Variants in CEP112 observed in about 807,000 individuals in gnomAD.
CEP112 encodes the protein centrosomal protein of 112 kDa.
In CEP112, 127 loss-of-function variants were observed where a neutral mutation model predicts 153.0. The observed-to-expected ratio is 0.83, with a 90% CI of 0.72 to 0.96. The LOEUF (loss-of-function observed/expected upper bound fraction) is 0.96. CEP112 is among the 40% of genes least tolerant of loss of function. CEP112 has a pLI of 0.00. For synonymous variants in CEP112, 358 were observed against 374.4 expected (o/e 0.96, Z 0.51); for missense variants, 1,089 against 1,101.2 (o/e 0.99, Z 0.16).
intron 23 of CEP112, among the ~76,000 whole-genome samples, chr17:65,692,487 A>G (rs1055084729): frequency 6.6e-6 from 1 of 152,126 alleles, no homozygotes; most frequent in Non-Finnish European, 1.5e-5. Flanking sequence ...TCAGCCTCCC[A>G]AAGTGCTGGG....
intron 19 of CEP112, among the ~76,000 whole-genome samples, chr17:65,926,183 T>C (rs2060916978): frequency 6.6e-6 from 1 of 152,214 alleles, no homozygotes; most frequent in Admixed American, 6.5e-5. Context: ...AACCTGGTCT[T>C]CATCATCATT....
intron 12 of CEP112, 114 bp from the exon 13 acceptor site, chr17:66,030,137 C>A: frequency 1.2e-6 from 1 of 818,462 alleles, no homozygotes; most frequent in Non-Finnish European, 1.8e-6. Flanking sequence ...ACAAATGTAT[C>A]ATAAACCATG....
intron 17 of CEP112, among the ~76,000 whole-genome samples, chr17:65,963,571 T>C (rs2062292876): frequency 6.7e-6 from 1 of 149,698 alleles, no homozygotes; most frequent in Admixed American, 6.8e-5. Flanking sequence ...AGAAAAAAAG[T>C]GTCACCTAAT....
At chr17:65,886,364 T>TA (rs970033085) in intron 20 of CEP112, among the ~76,000 whole-genome samples, 1 of 152,156 alleles carries the variant, frequency 6.6e-6, no homozygotes, top group Non-Finnish European at 1.5e-5. Flanking sequence ...TTTTAATGGC[T>TA]AAAAAAACCC....
chr17:65,864,503 T>A (rs924313260), intron 20 of CEP112, among the ~76,000 whole-genome samples: 2 of 152,202 alleles, frequency 1.3e-5, no homozygotes, highest in Non-Finnish European at 2.9e-5. Flanking sequence ...TCCACCTTCC[T>A]CGACATTCTT....
chr17:66,074,912 G>A (rs2146117726), intron 8 of CEP112, among the ~76,000 whole-genome samples: 1 of 148,258 alleles, frequency 6.7e-6, no homozygotes, highest in Admixed American at 6.7e-5. Context: ...AGCAGCCAGA[G>A]GAAAACAGGC....
chr17:65,994,873 GTTCTCT>G (rs1193886446), intron 17 of CEP112, among the ~76,000 whole-genome samples: 2 of 152,112 alleles, frequency 1.3e-5, no homozygotes, highest in Non-Finnish European at 2.9e-5. Flanking sequence ...GCCACTTTCG[GTTCTCT>G]TTCTCTCTCT....
intron 12 of CEP112, among the ~76,000 whole-genome samples, chr17:66,038,100 CAAAA>C (rs5821553): frequency 9.5e-6 from 1 of 105,402 alleles, no homozygotes. Flanking sequence ...GACTCTGTCT[CAAAA>C]AAAAAAAAAA....
intron 8 of CEP112, among the ~76,000 whole-genome samples, chr17:66,084,240 G>A (rs1468635546): frequency 6.6e-6 from 1 of 152,048 alleles, no homozygotes; most frequent in Non-Finnish European, 1.5e-5. Context: ...AACCACAATG[G>A]AAAACAGTTT....
Position 65,806,955 on chromosome 17 carries a change from T to C in CEP112, c.2394+44849A>G, listed in dbSNP as rs554811198. Among the ~76,000 whole-genome samples, 12 of 151,986 alleles carry C rather than the reference T, an allele frequency of 7.9e-5. No individual in the cohort carries two copies. The South Asian group carries it at 2.5e-3, about 32-fold the overall frequency. ...TTTGGAACTGGATAACGAACAGAGG[T>C]TGGAACAGTTTGGAGGGCTCAAAAG... On this transcript the variant is annotated intron_variant, in intron 21 of 26. Transcript: ENST00000535342.
chr17:65,808,708 C>T (rs997145626), intron 21 of CEP112, among the ~76,000 whole-genome samples: 9 of 152,106 alleles, frequency 5.9e-5, no homozygotes, highest in African/African-American at 2.2e-4. Context: ...GCTTAGTCTT[C>T]CACCATGATT....
chr17:65,968,755 A>C (rs1415943957), intron 17 of CEP112, among the ~76,000 whole-genome samples: 1 of 152,216 alleles, frequency 6.6e-6, no homozygotes, highest in African/African-American at 2.4e-5. Flanking sequence ...AGTTCACATA[A>C]AAGTGCCAGA....
chr17:66,047,212 G>A (rs920260218), intron 12 of CEP112, among the ~76,000 whole-genome samples: 1 of 152,120 alleles, frequency 6.6e-6, no homozygotes, highest in Non-Finnish European at 1.5e-5. Flanking sequence ...TGCCTCCTGG[G>A]TTCAAGTGAT....
At chr17:65,783,914 AT>A (rs1488956576) in intron 21 of CEP112, among the ~76,000 whole-genome samples, 4 of 152,240 alleles carry the variant, frequency 2.6e-5, no homozygotes, top group Admixed American at 6.5e-5. Flanking sequence ...AGCATGGGCT[AT>A]GAAGTTAAAC....
At chr17:65,643,464 ATT>A (rs35436538) in intron 24 of CEP112, among the ~76,000 whole-genome samples, 2,150 of 146,646 alleles carry the variant, frequency 0.015, 38 homozygotes, top group African/African-American at 0.045. Context: ...CACCTGGCTA[ATT>A]TTTTTTTTTT....
intron 17 of CEP112, among the ~76,000 whole-genome samples, chr17:65,975,838 A>G (rs560686700): frequency 6.6e-6 from 1 of 152,310 alleles, no homozygotes; most frequent in South Asian, 2.1e-4. Context: ...AAAGCATAAC[A>G]TGTGGAAAAG....
chr17:66,067,213 T>G (rs937770923), intron 9 of CEP112, among the ~76,000 whole-genome samples: 3 of 152,220 alleles, frequency 2.0e-5, no homozygotes, highest in African/African-American at 7.2e-5. Context: ...CTGCCACACT[T>G]GGAAGCTTCC....
At chr17:65,804,697 G>C (rs1001711058) in intron 21 of CEP112, among the ~76,000 whole-genome samples, 9 of 152,014 alleles carry the variant, frequency 5.9e-5, no homozygotes, top group Admixed American at 2.0e-4. Context: ...CAAATTTTGA[G>C]AATAAAAGTA....
intron 24 of CEP112, among the ~76,000 whole-genome samples, chr17:65,661,969 TATTA>T (rs926676232): frequency 2.9e-5 from 4 of 138,268 alleles, no homozygotes; most frequent in South Asian, 4.6e-4. Flanking sequence ...TTTATTTATT[TATTA>T]AAAAATTTTT....
Sources: gnomAD v4.1 joint callset for allele counts (sites outside exome capture counted in the v4.1 genomes callset) on GRCh38, gnomAD v4.1.1 for gene constraint, MANE v1.5 for transcripts, NCBI Gene and HGNC (gene_info 2026-07-23, HGNC 2026-07-21) for gene names.